The following CHL1 variants were observed in gnomAD, a reference collection of about 807,000 sequenced individuals.
The protein encoded by CHL1 is neural cell adhesion molecule L1-like protein.
In CHL1, 96 loss-of-function variants were observed where a neutral mutation model predicts 141.9. The observed-to-expected ratio is 0.68, with a 90% CI of 0.57 to 0.80. The LOEUF (loss-of-function observed/expected upper bound fraction) is 0.80, where lower values mean the gene tolerates loss of function less well. CHL1 is among the 30% of genes least tolerant of loss of function. The probability of loss-of-function intolerance (pLI) is 0.00; values close to 1 mark genes in which losing one functional copy is unlikely to be tolerated. For synonymous variants in CHL1, 613 were observed against 502.2 expected (o/e 1.22, Z -2.95); for missense variants, 1,820 against 1,457.2 (o/e 1.25, Z -4.05).
At position 360,384 on chromosome 3, in the gene CHL1, C is replaced by A. The variant is rs1704119000; in HGVS notation, c.1266C>A (p.Val422=). 1 of 1,613,832 alleles carries A rather than the reference C, an allele frequency of 6.2e-7. No homozygotes were observed. Among genetic ancestry groups the A allele is most frequent in the Non-Finnish European group, 8.5e-7 (1 of 1,179,834 alleles). The change falls in exon 12 of 28, where the codon GTC becomes GTA. Residue 422 remains valine, a synonymous_variant. Coordinates refer to ENST00000256509, the MANE Select transcript of CHL1 (RefSeq NM_006614.4). ...TAVYQCEASN[V]HGTILANANI... ...TGTACCAGTGTGAAGCCTCAAATGT[C>A]CATGGAACTATCCTTGCCAATGCCA...
In CHL1 at chr3:360,284, A is replaced by G. The variant is rs764422433; in HGVS notation, c.1166A>G (p.Asn389Ser). Reference protein sequence around the residue: ...KWRVNGSPVDNHPFAGDVVFP... With the variant: ...KWRVNGSPVDSHPFAGDVVFP... ...ACTGACATTCTTTAATCTCTTTCAGATCATCCATTTGCTGGTGATGTTGTC... is the reference window on the plus strand; with the variant it reads ...ACTGACATTCTTTAATCTCTTTCAGGTCATCCATTTGCTGGTGATGTTGTC... Residue 389 changes from asparagine (N) to serine (S), a missense_variant and splice_region_variant, in exon 12 of 28, where the codon AAT (asparagine) becomes AGT (serine). Coordinates refer to ENST00000256509, the MANE Select transcript of CHL1 (RefSeq NM_006614.4). The G allele has an allele frequency of 6.2e-7, 1 of 1,613,692 alleles. No homozygotes were observed. Among genetic ancestry groups the G allele is most frequent in the Non-Finnish European group, 8.5e-7 (1 of 1,179,736 alleles).
At chr3:264,170 A>T (rs1694973164) in intron 2 of CHL1, among the ~76,000 whole-genome samples, 1 of 152,194 alleles carries the variant, frequency 6.6e-6, no homozygotes, top group Non-Finnish European at 1.5e-5. Context: ...TATTCAAATA[A>T]CACTAAACTC....
chr3:307,428 G>A (rs962029802), intron 2 of CHL1, among the ~76,000 whole-genome samples: 1 of 152,192 alleles, frequency 6.6e-6, no homozygotes, highest in African/African-American at 2.4e-5. Context: ...CTGCAAGAAA[G>A]CTTCACTAGA....
chr3:255,666 G>A (rs1694088952), intron 2 of CHL1, among the ~76,000 whole-genome samples: 1 of 152,206 alleles, frequency 6.6e-6, no homozygotes, highest in Non-Finnish European at 1.5e-5. Flanking sequence ...TGGATCATCT[G>A]TGTACTTCAA....
chr3:224,425 G>C (rs1213894954), intron 1 of CHL1, among the ~76,000 whole-genome samples: 2 of 152,092 alleles, frequency 1.3e-5, no homozygotes, highest in East Asian at 1.9e-4. Flanking sequence ...TGGTAGGAGA[G>C]GTGTTTGGGT....
chr3:344,521 A>G (rs1222811698), intron 8 of CHL1, 68 bp from the exon 9 acceptor site: 1 of 1,206,754 alleles, frequency 8.3e-7, no homozygotes, highest in Non-Finnish European at 1.2e-6. Context: ...TTTAAGAAAG[A>G]TGTGGTGTCA....
At chr3:250,986 C>A (rs890770359) in intron 2 of CHL1, among the ~76,000 whole-genome samples, 2 of 151,962 alleles carry the variant, frequency 1.3e-5, no homozygotes, top group Non-Finnish European at 2.9e-5. Context: ...CAGTTCTTAT[C>A]CTCATGAAGC....
chr3:365,912 G>C, intron 14 of CHL1, 38 bp from the exon 15 acceptor site: 1 of 1,556,436 alleles, frequency 6.4e-7, no homozygotes, highest in Non-Finnish European at 8.8e-7. Flanking sequence ...AGTAAGTTAC[G>C]CTTAGTTCTA....
At position 377,938 on chromosome 3, in the gene CHL1, T is replaced by C. The variant is rs1706542608; in HGVS notation, c.1872T>C (p.Val624=). The C allele has an allele frequency of 3.7e-6, 6 of 1,603,958 alleles. No individual in the cohort carries two copies. The highest frequency in any genetic ancestry group is 4.2e-6 in the Non-Finnish European group (5 of 1,177,046). Residue 624 remains valine, a synonymous_variant, in exon 16 of 28, where the codon GTT becomes GTC. Transcript: ENST00000256509. ...CTGCCGATATAACTCAAGTAACTGT[T>C]CTTGGTAAGTGCACTAACTAATGAG... ...DSAADITQVT[V]LDVPDPPENL... is the part of the protein sequence containing the mutation.
chr3:280,765 G>A (rs936316107), intron 2 of CHL1, among the ~76,000 whole-genome samples: 11 of 152,006 alleles, frequency 7.2e-5, no homozygotes, highest in Non-Finnish European at 1.3e-4. Context: ...TGGTTGGTTG[G>A]GTGGGTAGTA....
chr3:221,918 T>A (rs1700880409), intron 1 of CHL1, among the ~76,000 whole-genome samples: 1 of 152,210 alleles, frequency 6.6e-6, no homozygotes, highest in Non-Finnish European at 1.5e-5. Flanking sequence ...TAAGTTTGAT[T>A]TTATGACTTA....
rs200503557 is a variant in CHL1, at chr3:349,511, C to T, written c.1001C>T (p.Thr334Ile). Residue 334 changes from threonine to isoleucine, a missense_variant, in exon 10 of 28, where the codon ACA (threonine) becomes ATA (isoleucine). By Grantham distance (89) the Thr-to-Ile change is moderately conservative. Coordinates refer to ENST00000256509, the MANE Select transcript of CHL1 (RefSeq NM_006614.4). ...TGCACAGCCAGCAATTTCTTGGGAA[C>T]AGCCACTCACGATTTTCACGTTATA... The part of the protein sequence containing the change: ...YRCTASNFLG[T>I]ATHDFHVIVE... The T allele has an allele frequency of 3.1e-6, 5 of 1,613,656 alleles. No individual in the cohort carries two copies. The highest frequency in any genetic ancestry group is 4.2e-6 in the Non-Finnish European group (5 of 1,179,888).
intron 5 of CHL1, among the ~76,000 whole-genome samples, chr3:330,904 G>A (rs951015988): frequency 6.6e-6 from 1 of 152,028 alleles, no homozygotes; most frequent in African/African-American, 2.4e-5. Context: ...CCCAGAAACA[G>A]ACCATCACAT....
intron 5 of CHL1, among the ~76,000 whole-genome samples, chr3:329,691 C>G (rs1474317579): frequency 1.3e-5 from 2 of 151,484 alleles, no homozygotes; most frequent in Non-Finnish European, 2.9e-5. Context: ...TAAAAAAAAG[C>G]TATAAACTTT....
chr3:358,489 T>C (rs1703916469), intron 11 of CHL1, among the ~76,000 whole-genome samples: 1 of 152,192 alleles, frequency 6.6e-6, no homozygotes, highest in African/African-American at 2.4e-5. Flanking sequence ...AACAAAGTCA[T>C]ACATTCTGGG....
chr3:362,111 G>A (rs116152343), intron 13 of CHL1, among the ~76,000 whole-genome samples: 2 of 152,150 alleles, frequency 1.3e-5, no homozygotes, highest in Non-Finnish European at 2.9e-5. Context: ...TTCATTATGA[G>A]GTACCACAAG....
chr3:370,958 G>A (rs1213408553), intron 15 of CHL1, among the ~76,000 whole-genome samples: 3 of 152,154 alleles, frequency 2.0e-5, no homozygotes, highest in Non-Finnish European at 4.4e-5. Context: ...TTGCATTGTG[G>A]TCTGAGAGAC....
intron 1 of CHL1, among the ~76,000 whole-genome samples, chr3:226,518 T>C (rs1050793543): frequency 6.6e-6 from 1 of 151,532 alleles, no homozygotes; most frequent in Admixed American, 6.6e-5. Context: ...CTGGGGTCAC[T>C]GCATCACCGC....
At chr3:349,170 C>A (rs1202545018) in intron 9 of CHL1, among the ~76,000 whole-genome samples, 189 bp from the exon 10 acceptor site, 4 of 152,164 alleles carry the variant, frequency 2.6e-5, no homozygotes, top group South Asian at 2.1e-4. Flanking sequence ...GTGAAAGAGA[C>A]TTGCTTCAAC....
Sources: allele counts gnomAD v4.1 joint callset (sites outside exome capture counted in the v4.1 genomes callset), GRCh38; gene constraint gnomAD v4.1.1; transcripts MANE v1.5; gene names NCBI Gene and HGNC (gene_info 2026-07-23, HGNC 2026-07-21).